Variants in ZRANB1 observed in about 807,000 individuals in gnomAD.
ZRANB1 encodes zinc finger RANBP2-type containing 1, also known as ubiquitin thioesterase ZRANB1.
In ZRANB1, 16 loss-of-function variants were observed where a neutral mutation model predicts 80.5. That is an observed-to-expected ratio of 0.20 (90% CI 0.13 to 0.30). The LOEUF (loss-of-function observed/expected upper bound fraction) is 0.30, where lower values mean the gene tolerates loss of function less well. Ranked by LOEUF, ZRANB1 falls within the 10% of genes least tolerant of loss-of-function variation. The pLI is 1.00. For missense variants in ZRANB1, 576 were observed against 862.6 expected, an observed-to-expected ratio of 0.67 and a Z score of 4.16; for synonymous variants, 291 against 293.1, an observed-to-expected ratio of 0.99 and a Z score of 0.07.
intron 8 of ZRANB1, chr10:124,984,326 A>C (rs1166604725): frequency 6.4e-6 from 1 of 155,978 alleles, no homozygotes; most frequent in East Asian, 1.9e-4. Flanking sequence ...ATTCTTATAA[A>C]AGTATTGGTC....
chr10:124,924,496 C>T, the ZRANB1 span, among the ~76,000 whole-genome samples: 2 of 152,178 alleles, frequency 1.3e-5, no homozygotes, highest in South Asian at 4.1e-4. Context: ...CGCCTTGCCT[C>T]AGCTCCTGGC....
rs1238357724 is a variant in ZRANB1 at position 124,986,645 on chromosome 10, T to G, written c.*1653T>G. The G allele has an allele frequency of 6.6e-6, 1 of 152,052 alleles. No individual in the cohort carries two copies. The highest frequency in any genetic ancestry group is 1.5e-5 in the Non-Finnish European group (1 of 68,014). 9.4% of individuals were successfully genotyped at this position (152,052 alleles called of 1,614,324 possible). A position where few individuals can be genotyped will look rare whatever the true frequency, so the allele number is the denominator to read the frequency against. On this transcript the variant is annotated 3_prime_UTR_variant, in exon 9 of 9. Transcript: ENST00000359653. ...TGTTTGTTTCAAGTGGTGAATGTGT[T>G]GTTAAAAATTGGCTGTTTGCTTTCA...
intron 1 of ZRANB1, among the ~76,000 whole-genome samples, chr10:124,966,318 A>G (rs1219235082): frequency 1.3e-5 from 2 of 152,064 alleles, no homozygotes; most frequent in Non-Finnish European, 2.9e-5. Flanking sequence ...TCTTCGATCC[A>G]ATTCATGCAG....
chr10:124,970,737 C>G (rs1384796014), intron 2 of ZRANB1, among the ~76,000 whole-genome samples: 1 of 152,028 alleles, frequency 6.6e-6, no homozygotes, highest in Non-Finnish European at 1.5e-5. Context: ...TGCTTCACAC[C>G]CCACTGTGGC....
chr10:124,942,088 T>G, upstream of ZRANB1: 1 of 980,274 alleles, frequency 1.0e-6, no homozygotes, highest in Non-Finnish European at 1.2e-6. Context: ...TCTACCTTTG[T>G]CTCTTTAAAC....
rs971164575 is a variant in ZRANB1, at chr10:124,943,158, G to A, written c.665G>A (p.Arg222Gln). The part of the protein sequence containing the change: ...SQRRSPPATK[R>Q]DSEVKMDFQR... ...AGGAGATCACCTCCTGCTACGAAGC[G>A]GGACTCTGAAGTGAAAATGGATTTT... is the stretch of plus-strand genomic sequence containing the variant. The change falls in exon 1 of 9, where the codon CGG becomes CAG. Residue 222 changes from arginine to glutamine, a missense_variant. Around this residue, in one of 3 missense-constraint regions of ZRANB1, gnomAD observed 411 missense variants for 583.1 expected, o/e 0.70. Transcript: ENST00000359653. 3 of 1,614,056 alleles carry A rather than the reference G, an allele frequency of 1.9e-6. No individual in the cohort carries two copies. The highest frequency in any genetic ancestry group is 3.3e-5 in the Admixed American group (2 of 59,988).
At chr10:124,952,047 T>A (rs764925096) in intron 1 of ZRANB1, among the ~76,000 whole-genome samples, 15 of 152,206 alleles carry the variant, frequency 9.9e-5, no homozygotes, top group Non-Finnish European at 2.2e-4. Flanking sequence ...ACTTGCCCAT[T>A]GACTTCCTTA....
chr10:124,966,902 C>A, intron 2 of ZRANB1, 121 bp downstream of exon 2: 1 of 921,180 alleles, frequency 1.1e-6, no homozygotes, highest in South Asian at 1.9e-5. Flanking sequence ...TCTTTTACCC[C>A]CTTTTAAAAA....
the ZRANB1 span, among the ~76,000 whole-genome samples, chr10:124,930,122 TAAAG>T: frequency 6.6e-6 from 1 of 152,156 alleles, no homozygotes; most frequent in Non-Finnish European, 1.5e-5. Flanking sequence ...GCCCTCCACT[TAAAG>T]ATAGGTAAGC....
At chr10:124,926,338 T>C in the ZRANB1 span, among the ~76,000 whole-genome samples, 2 of 152,250 alleles carry the variant, frequency 1.3e-5, no homozygotes, top group African/African-American at 4.8e-5. Context: ...AAAAAAACTT[T>C]AGACTTTTGT....
At chr10:124,976,293 C>G (rs1298520281) in intron 5 of ZRANB1, among the ~76,000 whole-genome samples, 1 of 152,116 alleles carries the variant, frequency 6.6e-6, no homozygotes, top group African/African-American at 2.4e-5. Flanking sequence ...CTGTGGTCAC[C>G]AAGCAGCTTC....
At chr10:124,969,179 G>T (rs1392993488) in intron 2 of ZRANB1, among the ~76,000 whole-genome samples, 1 of 152,244 alleles carries the variant, frequency 6.6e-6, no homozygotes, top group Non-Finnish European at 1.5e-5. Context: ...GAGTACAAGA[G>T]AGTGATCCAG....
chr10:124,927,078 C>G, the ZRANB1 span, among the ~76,000 whole-genome samples: 136 of 152,314 alleles, frequency 8.9e-4, no homozygotes, highest in African/African-American at 3.1e-3. Context: ...GCCTCAGCCT[C>G]CTGAGTAGCT....
At chr10:124,929,870 T>C in the ZRANB1 span, among the ~76,000 whole-genome samples, 7,321 of 142,582 alleles carry the variant, frequency 0.051, 273 homozygotes, top group South Asian at 0.11. Context: ...CACTTGAACC[T>C]GGGAGGCAGA....
At position 124,983,754 on chromosome 10, in the gene ZRANB1, T is replaced by C; in HGVS notation, c.1908+66T>C. Reference sequence around the variant, plus strand: ...TGTACCAGAAACAGCCTGAAGTGCCTTTCAGGTGTGGTTTTATCTGCACTA... The same window carrying C: ...TGTACCAGAAACAGCCTGAAGTGCCCTTCAGGTGTGGTTTTATCTGCACTA... On this transcript the variant is annotated intron_variant, in intron 8 of 8. Transcript: ENST00000359653. The surrounding 1 kb of genome is among the most constrained non-coding windows in gnomAD (Gnocchi z 6.2). The C allele has an allele frequency of 1.6e-6, 2 of 1,256,906 alleles. No homozygotes were observed. Among genetic ancestry groups the C allele is most frequent in the Non-Finnish European group, 2.2e-6 (2 of 899,452 alleles). The allele number at this position is 1,256,906 out of a possible 1,614,324, so 77.9% of individuals were successfully genotyped here.
At chr10:124,929,692 A>C in the ZRANB1 span, among the ~76,000 whole-genome samples, 1 of 151,662 alleles carries the variant, frequency 6.6e-6, no homozygotes, top group Admixed American at 6.6e-5. Flanking sequence ...TCATGCCTGT[A>C]ATCCCAGCAC....
rs1951547179 is a variant in ZRANB1, at chr10:124,942,684, C to G, written c.191C>G (p.Pro64Arg). The G allele has an allele frequency of 6.2e-7, 1 of 1,614,208 alleles. No individual in the cohort carries two copies. The highest frequency in any genetic ancestry group is 8.5e-7 in the Non-Finnish European group (1 of 1,180,042). ...DPSSTEGGSS[P>R]LICPDSSARP... ...TCCAGCACCGAAGGAGGAAGTAGTC[C>G]TTTGATATGTCCAGACTCTAGTGCA... Residue 64 changes from proline to arginine, a missense_variant, in exon 1 of 9, where the codon CCT becomes CGT. Transcript: ENST00000359653.
Position 124,979,443 on chromosome 10 carries a change from G to C in ZRANB1, c.1428-2266G>C, listed in dbSNP as rs186227954. Among the ~76,000 whole-genome samples the C allele has an allele frequency of 2.0e-5, 3 of 152,290 alleles. No homozygotes were observed. In the East Asian group the frequency reaches 5.8e-4, roughly 29 times the overall value. On this transcript the variant is annotated intron_variant, in intron 5 of 8. Transcript: ENST00000359653. ...TCCCTTATTGGATATCTGCTTTGCA[G>C]ATATTTTTTTCTATTCTGTGGCTTG... is the stretch of plus-strand genomic sequence containing the variant.
rs763214207 is a variant in ZRANB1 at position 124,973,697 on chromosome 10, T to C, written c.1209T>C (p.Leu403=). ...AAGAAAAATTATTTGATGAGGTGCT[T>C]GATAGAGACGTTCAAAAAGGTAAGC... ...TVQEKLFDEV[L]DRDVQKELEE... The change falls in exon 4 of 9, where the codon CTT becomes CTC. Residue 403 remains leucine (L), a synonymous_variant. Coordinates refer to ENST00000359653, the MANE Select transcript of ZRANB1 (RefSeq NM_017580.3). 1 of 1,612,636 alleles carries C rather than the reference T, an allele frequency of 6.2e-7. No individual in the cohort carries two copies. Among genetic ancestry groups the C allele is most frequent in the Non-Finnish European group, 8.5e-7 (1 of 1,179,604 alleles).
Sources: allele counts gnomAD v4.1 joint callset (sites outside exome capture counted in the v4.1 genomes callset), GRCh38; gene constraint gnomAD v4.1.1; regional missense constraint gnomAD v4.1.1; non-coding constraint Gnocchi (gnomAD v3.1); transcripts MANE v1.5; gene names NCBI Gene and HGNC (gene_info 2026-07-23, HGNC 2026-07-21).